SPARCL1: variants seen among roughly 807,000 people sequenced by gnomAD.
The protein encoded by SPARCL1 is SPARC like 1, also known as SPARC-like protein 1.
A neutral mutation model predicts 67.1 loss-of-function variants in SPARCL1; 52 were observed. That is an observed-to-expected ratio of 0.78 (90% confidence interval 0.62 to 0.98). The LOEUF (loss-of-function observed/expected upper bound fraction) is 0.98. Among genes scored for constraint, SPARCL1 ranks in the 50% least tolerant of loss-of-function variants. The probability of loss-of-function intolerance (pLI) is 0.00; values close to 1 mark genes in which losing one functional copy is unlikely to be tolerated. For synonymous variants in SPARCL1, 226 were observed against 267.8 expected (o/e 0.84, Z 1.52); for missense variants, 717 against 782.4 (o/e 0.92, Z 1.00).
At chr4:87,498,597 G>A (rs992108011) in intron 2 of SPARCL1, among the ~76,000 whole-genome samples, 1 of 152,122 alleles carries the variant, frequency 6.6e-6, no homozygotes, top group Admixed American at 6.5e-5. Flanking sequence ...CCACTGACAC[G>A]GTTTCAAATG....
At chr4:87,527,142 TC>T (rs1726077893) in intron 1 of SPARCL1, among the ~76,000 whole-genome samples, 1 of 152,208 alleles carries the variant, frequency 6.6e-6, no homozygotes, top group Non-Finnish European at 1.5e-5. Flanking sequence ...CAAAGTTCTA[TC>T]CATCTTTTGA....
chr4:87,487,609 C>G (rs1003300216), intron 7 of SPARCL1, among the ~76,000 whole-genome samples: 2 of 152,076 alleles, frequency 1.3e-5, no homozygotes, highest in Non-Finnish European at 2.9e-5. Context: ...TTGTGGTGTT[C>G]TCCGTATTTG....
At chr4:87,520,172 G>A (rs1217723619) in intron 1 of SPARCL1, among the ~76,000 whole-genome samples, 2 of 150,788 alleles carry the variant, frequency 1.3e-5, no homozygotes, top group African/African-American at 2.5e-5. Flanking sequence ...CTGGGTAGGC[G>A]GAGGTTGCAG....
intron 1 of SPARCL1, among the ~76,000 whole-genome samples, chr4:87,514,277 T>C (rs1332987571): frequency 6.6e-6 from 1 of 152,222 alleles, no homozygotes; most frequent in African/African-American, 2.4e-5. Context: ...CAAAAAGAGC[T>C]ATCGAATGCT....
intron 6 of SPARCL1, 74 bp from the exon 7 acceptor site, chr4:87,490,467 C>T (rs1724273009): frequency 6.6e-7 from 1 of 1,510,272 alleles, no homozygotes. Flanking sequence ...CCTTAAAGCT[C>T]ATATGCTGAT....
intron 1 of SPARCL1, among the ~76,000 whole-genome samples, chr4:87,511,967 C>CTCTTTTTTTTTTTTTTTTTTTTTT (rs71667858): frequency 8.2e-6 from 1 of 121,566 alleles, no homozygotes; most frequent in African/African-American, 3.2e-5. Context: ...CTTTCTTTCT[C>CTCTTTTTTTTTTTTTTTTTTTTTT]TTTTTTTTTT....
At chr4:87,521,012 G>A (rs974438522) in intron 1 of SPARCL1, among the ~76,000 whole-genome samples, 2 of 152,124 alleles carry the variant, frequency 1.3e-5, no homozygotes, top group African/African-American at 2.4e-5. Context: ...CTACACAAAC[G>A]ACCAGAATAT....
At chr4:87,492,780 G>T (rs1578101307) in intron 4 of SPARCL1, among the ~76,000 whole-genome samples, 1 of 102,312 alleles carries the variant, frequency 9.8e-6, no homozygotes, top group East Asian at 2.5e-4. Flanking sequence ...GCCAAGTCCT[G>T]CTGGCACAGG....
chr4:87,495,056 G>A lies in SPARCL1; in HGVS notation c.126C>T (p.Ile42=), dbSNP rs1375617672. ...CTTCAGCTTCAGCCCTTAAACTGGG[G>A]ATTGCAGTGTTGTCAGGTGCTACCG... is the stretch of plus-strand genomic sequence containing the variant. ...AETVAPDNTA[I]PSLRAEAEEN... The change falls in exon 3 of 11, where the codon ATC becomes ATT. Residue 42 remains isoleucine (I), a synonymous_variant. Transcript: ENST00000282470. 5 of 1,612,910 alleles carry A rather than the reference G, an allele frequency of 3.1e-6. No individual in the cohort carries two copies. In the Admixed American group the frequency reaches 8.4e-5, roughly 27 times the overall value.
intron 1 of SPARCL1, among the ~76,000 whole-genome samples, chr4:87,502,719 T>G (rs1724902153): frequency 6.6e-6 from 1 of 152,234 alleles, no homozygotes; most frequent in South Asian, 2.1e-4. Flanking sequence ...TGTTGAAAGC[T>G]TTTCTCTAAT....
At chr4:87,501,969 AT>A (rs55737224) in intron 1 of SPARCL1, among the ~76,000 whole-genome samples, 4,981 of 144,448 alleles carry the variant, frequency 0.034, 263 homozygotes, top group African/African-American at 0.11. Flanking sequence ...TCTCCTATTG[AT>A]TTTTTTTTTT....
At chr4:87,480,005 G>C (rs1723744255) in intron 9 of SPARCL1, among the ~76,000 whole-genome samples, 1 of 151,268 alleles carries the variant, frequency 6.6e-6, no homozygotes, top group African/African-American at 2.4e-5. Context: ...CTGTGGTGTA[G>C]CCATATTCTG....
chr4:87,506,567 C>T (rs1725080570), intron 1 of SPARCL1, among the ~76,000 whole-genome samples: 1 of 152,120 alleles, frequency 6.6e-6, no homozygotes, highest in South Asian at 2.1e-4. Flanking sequence ...CATTGATATT[C>T]TGCTGTTGGA....
chr4:87,507,892 C>T (rs192081998), intron 1 of SPARCL1, among the ~76,000 whole-genome samples: 1 of 152,290 alleles, frequency 6.6e-6, no homozygotes, highest in East Asian at 1.9e-4. Flanking sequence ...CTCAGGGAAA[C>T]ACCTACTTAG....
intron 7 of SPARCL1, among the ~76,000 whole-genome samples, chr4:87,487,880 C>T (rs916175096): frequency 6.6e-6 from 1 of 152,076 alleles, no homozygotes; most frequent in African/African-American, 2.4e-5. Context: ...TCCACTTAAT[C>T]GATTTGGATA....
intron 4 of SPARCL1, among the ~76,000 whole-genome samples, chr4:87,491,919 A>G (rs1026448955): frequency 2.8e-5 from 4 of 143,662 alleles, no homozygotes; most frequent in African/African-American, 5.3e-5. Context: ...AACCTGGGCA[A>G]CATAGGGAAA....
rs1055701233 is a variant in SPARCL1, at chr4:87,529,359, G to T, written c.-326C>A. On this transcript the variant is annotated 5_prime_UTR_variant, in exon 1 of 11. Transcript: ENST00000282470. ...TAGCAGGCTGGCCTCTCATGCGAGGGCTTTACAGGCAGTGCTTGCAAACCA... is the reference window on the plus strand; with the variant it reads ...TAGCAGGCTGGCCTCTCATGCGAGGTCTTTACAGGCAGTGCTTGCAAACCA... 3 of 152,208 alleles carry T rather than the reference G, an allele frequency of 2.0e-5. No homozygotes were observed. The highest frequency in any genetic ancestry group is 7.2e-5 in the African/African-American group (3 of 41,448). 9.4% of individuals were successfully genotyped at this position (152,208 alleles called of 1,614,324 possible).
At chr4:87,474,241 C>A (rs1723468740) in intron 10 of SPARCL1, among the ~76,000 whole-genome samples, 1 of 152,106 alleles carries the variant, frequency 6.6e-6, no homozygotes, top group African/African-American at 2.4e-5. Context: ...GTCGCCATAC[C>A]TGTGGAAGAA....
In SPARCL1 at chr4:87,473,705, G is replaced by T; in HGVS notation, c.*70C>A. 1.9e-6 allele frequency: 2 copies of T among 1,080,980 alleles called. No homozygotes were observed. Among genetic ancestry groups the T allele is most frequent in the Non-Finnish European group, 2.7e-6 (2 of 734,162 alleles). 67.0% of individuals were successfully genotyped at this position (1,080,980 alleles called of 1,614,324 possible). On this transcript the variant is annotated 3_prime_UTR_variant, in exon 11 of 11. Transcript: ENST00000282470. ...TAAATATAAATCTACAAGTATCACA[G>T]CTGCATATATTTCTGAAGTGGTTAG...
Sources: allele counts gnomAD v4.1 joint callset (sites outside exome capture counted in the v4.1 genomes callset), GRCh38; gene constraint gnomAD v4.1.1; transcripts MANE v1.5; gene names NCBI Gene and HGNC (gene_info 2026-07-23, HGNC 2026-07-21).